The following EML5 variants were observed in gnomAD, a reference collection of about 807,000 sequenced individuals.
EML5 encodes the protein EMAP like 5.
In EML5, 120 loss-of-function variants were observed where a neutral mutation model predicts 250.0. The ratio of observed to expected loss-of-function variants is 0.48; its 90% CI spans 0.41 to 0.56. The LOEUF is 0.56. Ranked by LOEUF, EML5 falls within the 20% of genes least tolerant of loss-of-function variation. The pLI, the probability that EML5 is intolerant of heterozygous loss-of-function variation, is 0.00. For synonymous variants in EML5, 771 were observed against 806.5 expected, an observed-to-expected ratio of 0.96 and a Z score of 0.75; for missense variants, 2,006 against 2,437.6, an observed-to-expected ratio of 0.82 and a Z score of 3.73.
intron 2 of EML5, among the ~76,000 whole-genome samples, chr14:88,751,573 T>A (rs1472433358): frequency 6.6e-6 from 1 of 151,780 alleles, no homozygotes; most frequent in East Asian, 2.0e-4. Flanking sequence ...GTTTTAAATG[T>A]AGAAAATGGA....
At chr14:88,698,816 G>C (rs2093141110) in intron 14 of EML5, among the ~76,000 whole-genome samples, 1 of 152,146 alleles carries the variant, frequency 6.6e-6, no homozygotes, top group African/African-American at 2.4e-5. Flanking sequence ...TGGAAATTAT[G>C]ATGATGACTA....
chr14:88,664,891 C>T (rs930471754), intron 22 of EML5, among the ~76,000 whole-genome samples: 7 of 151,610 alleles, frequency 4.6e-5, no homozygotes, highest in Non-Finnish European at 1.0e-4. Context: ...TTGTATTTAA[C>T]AAAACTCCCT....
intron 39 of EML5, chr14:88,619,451 C>T (rs2088439128): frequency 1.3e-5 from 2 of 152,302 alleles, no homozygotes; most frequent in Admixed American, 6.5e-5. Context: ...GCAATCCTTC[C>T]CCCTTGGCCT....
intron 1 of EML5, among the ~76,000 whole-genome samples, chr14:88,776,057 C>T (rs770475711): frequency 6.6e-6 from 1 of 152,226 alleles, no homozygotes; most frequent in African/African-American, 2.4e-5. Context: ...TACAGCATTA[C>T]TGGGCTTGGG....
intron 17 of EML5, among the ~76,000 whole-genome samples, chr14:88,689,389 T>C (rs2092908577): frequency 6.6e-6 from 1 of 152,262 alleles, no homozygotes; most frequent in South Asian, 2.1e-4. Context: ...GGGAACAGTT[T>C]GTGTTGTCAC....
Position 88,627,633 on chromosome 14 carries a change from A to G in EML5, c.4531+13T>C, listed in dbSNP as rs762990489. 1.3e-6 allele frequency: 2 copies of G among 1,582,970 alleles called. No homozygotes were observed. Among genetic ancestry groups the G allele is most frequent in the South Asian group, 1.2e-5 (1 of 85,344 alleles). Reference sequence around the variant, plus strand: ...TTGTTTTTTTAAAAATCAAACACACAAAAGAATCCTACCTTCCTGCCATCT... The same window carrying G: ...TTGTTTTTTTAAAAATCAAACACACGAAAGAATCCTACCTTCCTGCCATCT... On this transcript the variant is annotated intron_variant, in intron 34 of 43. Transcript: ENST00000554922.
intron 8 of EML5, among the ~76,000 whole-genome samples, chr14:88,726,063 A>C (rs1175206078): frequency 6.6e-6 from 1 of 152,136 alleles, no homozygotes; most frequent in Non-Finnish European, 1.5e-5. Context: ...TTCAACACAA[A>C]ATGTTAACTG....
At chr14:88,625,820 T>C (rs1176507038) in intron 35 of EML5, 1 of 152,230 alleles carries the variant, frequency 6.6e-6, no homozygotes. Flanking sequence ...TACTTAAATA[T>C]TCTAAAATTA....
At chr14:88,692,275 G>T (rs1312618545) in intron 17 of EML5, among the ~76,000 whole-genome samples, 10 of 152,080 alleles carry the variant, frequency 6.6e-5, no homozygotes, top group East Asian at 3.9e-4. Flanking sequence ...TACTCAGGAG[G>T]CTGAGGCAGG....
At position 88,754,434 on chromosome 14, in the gene EML5, A is replaced by G; in HGVS notation, c.357+78T>C. On this transcript the variant is annotated intron_variant, in intron 2 of 43. Transcript: ENST00000554922. ...TAATTTTCATCAAGTGTCCAATTTA[A>G]TATTTATAGATTTATAATCATTTTC... is the stretch of plus-strand genomic sequence containing the variant. 3.9e-6 allele frequency: 5 copies of G among 1,280,666 alleles called. No homozygotes were observed. The South Asian group carries it at 6.0e-5, about 15-fold the overall frequency. 79.3% of individuals were successfully genotyped at this position (1,280,666 alleles called of 1,614,324 possible).
At chr14:88,767,770 C>A (rs557696475) in intron 1 of EML5, among the ~76,000 whole-genome samples, 5 of 152,000 alleles carry the variant, frequency 3.3e-5, no homozygotes, top group Non-Finnish European at 5.9e-5. Context: ...TTTCTTGTAT[C>A]CCTCATCACA....
intron 1 of EML5, among the ~76,000 whole-genome samples, chr14:88,771,122 C>A (rs1295960560): frequency 6.6e-6 from 1 of 152,190 alleles, no homozygotes; most frequent in East Asian, 1.9e-4. Context: ...TGTTCCTTTA[C>A]ATTTATCTCA....
intron 17 of EML5, among the ~76,000 whole-genome samples, chr14:88,691,743 T>C (rs2092963354): frequency 6.6e-6 from 1 of 152,170 alleles, no homozygotes; most frequent in Non-Finnish European, 1.5e-5. Context: ...GGTTAAACAA[T>C]AGTTAGGTTA....
chr14:88,735,082 GA>G (rs962941508), intron 7 of EML5, among the ~76,000 whole-genome samples: 3 of 151,716 alleles, frequency 2.0e-5, no homozygotes, highest in Non-Finnish European at 2.9e-5. Context: ...TGAAATCAGG[GA>G]AAAAAAAGAC....
intron 1 of EML5, among the ~76,000 whole-genome samples, chr14:88,789,069 TAA>T (rs879877223): frequency 1.1e-4 from 15 of 137,472 alleles, no homozygotes; most frequent in Admixed American, 1.5e-4. Context: ...TGTCTCAGTT[TAA>T]AAAAAAAAAA....
At chr14:88,747,445 AAACC>A (rs1274790090) in intron 2 of EML5, among the ~76,000 whole-genome samples, 1 of 151,862 alleles carries the variant, frequency 6.6e-6, no homozygotes, top group African/African-American at 2.4e-5. Flanking sequence ...AAAAATAAAC[AAACC>A]ACCCCACCCA....
At chr14:88,723,682 T>C (rs943379728) in intron 8 of EML5, among the ~76,000 whole-genome samples, 1 of 152,220 alleles carries the variant, frequency 6.6e-6, no homozygotes, top group Non-Finnish European at 1.5e-5. Context: ...AGTATATGTA[T>C]AACCAAAATC....
chr14:88,625,558 C>T (rs183146528), intron 35 of EML5: 2,126 of 155,560 alleles, frequency 0.014, 17 homozygotes, highest in Non-Finnish European at 0.019. Flanking sequence ...CCAGCCACCA[C>T]GCCCGGCTAA....
Position 88,627,020 on chromosome 14 carries a change from G to A in EML5, c.4558C>T (p.His1520Tyr). ...TCTGCCACAAAAATACGTTGATTGT[G>A]ACCAGCTCTGCTGGCAATTTTGGCA... is the stretch of plus-strand genomic sequence containing the variant. ...EGAKIASRAGHNQRIFVAEFR... is the reference protein window; with the variant it reads ...EGAKIASRAGYNQRIFVAEFR... Residue 1520 changes from histidine (H) to tyrosine (Y), a missense_variant, in exon 35 of 44, where the codon CAC becomes TAC. Coordinates refer to ENST00000554922, the MANE Select transcript of EML5 (RefSeq NM_183387.3). 1 of 1,613,790 alleles carries A rather than the reference G, an allele frequency of 6.2e-7. No individual in the cohort carries two copies. Among genetic ancestry groups the A allele is most frequent in the Non-Finnish European group, 8.5e-7 (1 of 1,179,848 alleles).
Sources: allele counts gnomAD v4.1 joint callset (sites outside exome capture counted in the v4.1 genomes callset), GRCh38; gene constraint gnomAD v4.1.1; transcripts MANE v1.5; gene names NCBI Gene and HGNC (gene_info 2026-07-23, HGNC 2026-07-21).